Variants in KCNH4 observed in about 807,000 individuals in gnomAD.
The protein encoded by KCNH4 is voltage-gated delayed rectifier potassium channel KCNH4.
A neutral mutation model predicts 90.7 loss-of-function variants in KCNH4; 33 were observed. The observed-to-expected ratio is 0.36, with a 90% CI of 0.28 to 0.49. The LOEUF is 0.49. Among genes scored for constraint, KCNH4 ranks in the 20% least tolerant of loss-of-function variants. KCNH4 has a pLI of 0.98. For synonymous variants in KCNH4, 551 were observed against 581.7 expected (o/e 0.95, Z 0.76); for missense variants, 1,044 against 1,387.1 (o/e 0.75, Z 3.93).
rs1377867703 is a variant in KCNH4, at chr17:42,169,626, T to A, written c.1441A>T (p.Met481Leu). 2.5e-6 allele frequency: 4 copies of A among 1,613,974 alleles called. No homozygotes were observed. Among genetic ancestry groups the A allele is most frequent in the Non-Finnish European group, 1.7e-6 (2 of 1,179,978 alleles). ...FGNVTAIIQR[M>L]YSRRSLYHSR... Reference sequence around the variant, plus strand: ...TGGTAGAGCGAGCGGCGCGAGTACATGCGCTGGATGATGGCTGTCACGTTC... The same window carrying A: ...TGGTAGAGCGAGCGGCGCGAGTACAAGCGCTGGATGATGGCTGTCACGTTC... Residue 481 changes from methionine (M) to leucine (L), a missense_variant, in exon 9 of 17, where the codon ATG (methionine) becomes TTG (leucine). Around this residue, in one of 4 missense-constraint regions of KCNH4, gnomAD observed 318 missense variants for 479.6 expected, o/e 0.66. Transcript: ENST00000264661.
intron 6 of KCNH4, among the ~76,000 whole-genome samples, chr17:42,174,543 C>G (rs548550963): frequency 2.0e-5 from 3 of 152,172 alleles, no homozygotes; most frequent in African/African-American, 7.2e-5. Context: ...CACGTGTGCA[C>G]AGCCAGGAGA....
At chr17:42,175,552 C>G (rs1479243359) in intron 6 of KCNH4, 27 bp downstream of exon 6, 4 of 1,613,742 alleles carry the variant, frequency 2.5e-6, no homozygotes, top group Non-Finnish European at 3.4e-6. Context: ...GGAGGTTGGA[C>G]TGGATGGCGG....
Position 42,163,396 on chromosome 17 carries a change from ACAGAGGGGGACTGGGGGCAG to A in KCNH4, c.2478-82_2478-63del. Reference sequence around the variant, plus strand: ...GAGGGTAAGGGCCAGAGCAGAGCAGACAGAGGGGGACTGGGGGCAGCAGTGCCAGGGGGCGGAGCAAGAGC... The same window carrying A: ...GAGGGTAAGGGCCAGAGCAGAGCAGACAGTGCCAGGGGGCGGAGCAAGAGC... On this transcript the variant is annotated intron_variant, in intron 13 of 16. Transcript: ENST00000264661. The surrounding 1 kb of genome is among the most constrained non-coding windows in gnomAD (Gnocchi z 5.4). 1 of 1,223,348 alleles carries A rather than the reference ACAGAGGGGGACTGGGGGCAG, an allele frequency of 8.2e-7. No individual in the cohort carries two copies. 75.8% of individuals were successfully genotyped at this position (1,223,348 alleles called of 1,614,324 possible). A position where few individuals can be genotyped will look rare whatever the true frequency, so the allele number is the denominator to read the frequency against.
chr17:42,171,238 A>G (rs963835128), intron 7 of KCNH4, among the ~76,000 whole-genome samples: 1 of 151,986 alleles, frequency 6.6e-6, no homozygotes, highest in African/African-American at 2.4e-5. Flanking sequence ...GGTGGAGTGG[A>G]CTGGGAAGGG....
At chr17:42,164,623 C>A (rs879271336) in intron 11 of KCNH4, among the ~76,000 whole-genome samples, 6 of 141,452 alleles carry the variant, frequency 4.2e-5, no homozygotes, top group African/African-American at 1.6e-4. Flanking sequence ...GCCAACATGG[C>A]GAAACCCCAT....
Position 42,176,241 on chromosome 17 carries a change from C to A in KCNH4, c.642G>T (p.Gly214=). ...TGTAGTGGAGGAGGAGGCAGCGAGA[C>A]CCCCCCACGGAGGCCACCTTGTACT... is the stretch of plus-strand genomic sequence containing the variant. ...VPEYKVASVG[G]SRCLLLHYSV... The change falls in exon 5 of 17, where the codon GGG becomes GGT. Residue 214 remains glycine, a synonymous_variant. Coordinates refer to ENST00000264661, the MANE Select transcript of KCNH4 (RefSeq NM_012285.3). The A allele has an allele frequency of 6.2e-7, 1 of 1,613,260 alleles. No homozygotes were observed. The highest frequency in any genetic ancestry group is 8.5e-7 in the Non-Finnish European group (1 of 1,179,566).
At chr17:42,168,774 T>C (rs902957855) in intron 9 of KCNH4, among the ~76,000 whole-genome samples, 2 of 151,920 alleles carry the variant, frequency 1.3e-5, no homozygotes, top group African/African-American at 4.8e-5. Flanking sequence ...TTATTTTTAT[T>C]TTTATTTTTA....
Position 42,171,989 on chromosome 17 carries a change from G to C in KCNH4, c.994C>G (p.Leu332Val). 6.3e-7 allele frequency: 1 copy of C among 1,595,536 alleles called. No homozygotes were observed. Among genetic ancestry groups the C allele is most frequent in the Non-Finnish European group, 8.5e-7 (1 of 1,171,914 alleles). The change falls in exon 7 of 17, where the codon CTG becomes GTG. Residue 332 changes from leucine (L) to valine (V), a missense_variant. Physicochemically the swap from Leu to Val is conservative, Grantham distance 32. Transcript: ENST00000264661. Reference protein sequence around the residue: ...LYIFNITVTSLVHLLKTVRLL... With the variant: ...LYIFNITVTSVVHLLKTVRLL... The stretch of plus-strand genomic sequence containing the variant: ...CGCACTGTCTTCAGTAGGTGCACCA[G>C]CGAGGTCTGCAGGAAGGTGGCGGGG...
At chr17:42,165,196 T>TGGTCAGCAGGAGATG (rs1471850510) in intron 11 of KCNH4, among the ~76,000 whole-genome samples, 1 of 145,780 alleles carries the variant, frequency 6.9e-6, no homozygotes, top group Non-Finnish European at 1.5e-5. Context: ...GGCTGAGGGG[T>TGGTCAGCAGGAGATG]GGTCAGCAGG....
In KCNH4 at chr17:42,170,144, C is replaced by T. The variant is rs140040426; in HGVS notation, c.1353G>A (p.Ala451=). 31 of 1,612,802 alleles carry T rather than the reference C, an allele frequency of 1.9e-5. No homozygotes were observed. The highest frequency in any genetic ancestry group is 9.3e-5 in the African/African-American group (7 of 74,874). ...GFGNVCANTD[A]EKIFSICTML... ...TCGTGCAGATGGAGAAGATCTTCTC[C>T]GCGTCGGTGTTGGCACACACGTTGC... Residue 451 remains alanine (A), a synonymous_variant, in exon 8 of 17, where the codon GCG becomes GCA. Transcript: ENST00000264661.
At chr17:42,171,510 C>T (rs1809460397) in intron 7 of KCNH4, among the ~76,000 whole-genome samples, 1 of 152,092 alleles carries the variant, frequency 6.6e-6, no homozygotes, top group African/African-American at 2.4e-5. Context: ...GCCTGAAACA[C>T]ACCCCTCCAC....
Position 42,165,783 on chromosome 17 carries a change from G to C in KCNH4, c.1841-90C>G. On this transcript the variant is annotated intron_variant, in intron 10 of 16. Transcript: ENST00000264661. ...GCTCAGTGGATTTGAGGGGTGGTCA[G>C]TGTGTTTGAAGGATGGTTGAAGGTG... is the stretch of plus-strand genomic sequence containing the variant. 3 of 1,503,918 alleles carry C rather than the reference G, an allele frequency of 2.0e-6. No homozygotes were observed. The South Asian group carries it at 3.6e-5, about 18-fold the overall frequency. 93.2% of individuals were successfully genotyped at this position (1,503,918 alleles called of 1,614,324 possible). A position where few individuals can be genotyped will look rare whatever the true frequency, so the allele number is the denominator to read the frequency against.
chr17:42,178,131 C>T lies in KCNH4; in HGVS notation c.554G>A (p.Arg185His), dbSNP rs1490863311. Residue 185 changes from arginine (R) to histidine (H), a missense_variant, in exon 4 of 17, where the codon CGC becomes CAC. Arg to His is a conservative substitution (Grantham distance 29, BLOSUM62 0). This residue lies in a region of KCNH4 where 283 missense variants were observed against 378.6 expected (regional missense o/e 0.75). Transcript: ENST00000264661. ...GGCCTTCATGCCTCCCTGGCCCCGGCGGCCAAAGTGGCCGGTCAGTCGGTG... is the reference window on the plus strand; with the variant it reads ...GGCCTTCATGCCTCCCTGGCCCCGGTGGCCAAAGTGGCCGGTCAGTCGGTG... ...VLHRLTGHFG[R>H]RGQGGMKANN... 5.6e-6 allele frequency: 9 copies of T among 1,614,008 alleles called. No homozygotes were observed. The highest frequency in any genetic ancestry group is 4.5e-5 in the East Asian group (2 of 44,894).
At chr17:42,170,012 C>A in intron 8 of KCNH4, 95 bp downstream of exon 8, 3 of 1,297,724 alleles carry the variant, frequency 2.3e-6, no homozygotes, top group Non-Finnish European at 3.2e-6. Flanking sequence ...TGGGTAGACA[C>A]CTCGGGCAGA....
rs1034307637 is a variant in KCNH4 at position 42,163,448 on chromosome 17, C to A, written c.2478-114G>T. The stretch of plus-strand genomic sequence containing the variant: ...CAGGGGGCGGAGCAAGAGCAGCAGT[C>A]AAAGTGGGTTGGGGTTGCAAGCTGT... On this transcript the variant is annotated intron_variant, in intron 13 of 16. Coordinates refer to ENST00000264661, the MANE Select transcript of KCNH4 (RefSeq NM_012285.3). The surrounding 1 kb of genome is among the most constrained non-coding windows in gnomAD (Gnocchi z 5.4). 3 of 842,170 alleles carry A rather than the reference C, an allele frequency of 3.6e-6. No individual in the cohort carries two copies. In the African/African-American group the frequency reaches 5.0e-5, roughly 14 times the overall value. The allele number at this position is 842,170 out of a possible 1,614,324, so 52.2% of individuals were successfully genotyped here. A position where few individuals can be genotyped will look rare whatever the true frequency, so the allele number is the denominator to read the frequency against.
Position 42,180,583 on chromosome 17 carries a change from G to A in KCNH4, c.76+287C>T, listed in dbSNP as rs945590870. Among the ~76,000 whole-genome samples, 2 of 151,778 alleles carry A rather than the reference G, an allele frequency of 1.3e-5. No homozygotes were observed. The highest frequency in any genetic ancestry group is 2.9e-5 in the Non-Finnish European group (2 of 67,962). On this transcript the variant is annotated intron_variant, in intron 1 of 16. Coordinates refer to ENST00000264661, the MANE Select transcript of KCNH4 (RefSeq NM_012285.3). This position sits in a 1 kb window ranked among gnomAD's most constrained non-coding sequence, Gnocchi z 4.7. ...ACGCCCCCAGCACAGCTCTGCCCGA[G>A]AGTGGGCGGCTCCGAAGGACCCTCC...
In KCNH4 at chr17:42,176,509, C is replaced by CTTTTTTTTTTT. The variant is rs869250233; in HGVS notation, c.586-223_586-213dup. Among the ~76,000 whole-genome samples, 6 of 68,458 alleles carry CTTTTTTTTTTT rather than the reference C, an allele frequency of 8.8e-5. 1 individual carries two copies. The highest frequency in any genetic ancestry group is 1.0e-3 in the South Asian group (2 of 2,006). 44.9% of individuals were successfully genotyped at this position (68,458 alleles called of 152,430 possible). ...GCCAAGTATTTCCCAGGCCCTCCTCCTTTTTTTTTTTTTTTTTTTTTTTTT... is the reference window on the plus strand; with the variant it reads ...GCCAAGTATTTCCCAGGCCCTCCTCCTTTTTTTTTTTTTTTTTTTTTTTTTTTTTTTTTTTT... On this transcript the variant is annotated intron_variant, in intron 4 of 16. Transcript: ENST00000264661.
At chr17:42,158,564 G>A (rs981513802) in intron 16 of KCNH4, among the ~76,000 whole-genome samples, 13 of 138,520 alleles carry the variant, frequency 9.4e-5, no homozygotes, top group Admixed American at 3.0e-4. Context: ...GGCTGGGTGC[G>A]GTGGCTGACA....
chr17:42,163,797 C>A lies in KCNH4; in HGVS notation c.2286G>T (p.Leu762Phe), dbSNP rs1568032142. Residue 762 changes from leucine to phenylalanine, a missense_variant, in exon 13 of 17, where the codon TTG becomes TTT. This residue lies in a region of KCNH4 where 441 missense variants were observed against 512.3 expected (regional missense o/e 0.86). Transcript: ENST00000264661. This position sits in a 1 kb window ranked among gnomAD's most constrained non-coding sequence, Gnocchi z 5.4. ...CTGAGAATGGGGGCAGCTCCTCGCCCAAAAGGCTGACCAGGGAGCCCCGAG... is the reference window on the plus strand; with the variant it reads ...CTGAGAATGGGGGCAGCTCCTCGCCAAAAAGGCTGACCAGGGAGCCCCGAG... Reference protein sequence around the residue: ...ARPRGSLVSLLGEELPPFSAL... With the variant: ...ARPRGSLVSLFGEELPPFSAL... 1 of 1,540,218 alleles carries A rather than the reference C, an allele frequency of 6.5e-7. No individual in the cohort carries two copies. Among genetic ancestry groups the A allele is most frequent in the South Asian group, 1.2e-5 (1 of 81,984 alleles).
Sources: gnomAD v4.1 joint callset for allele counts (sites outside exome capture counted in the v4.1 genomes callset) on GRCh38, gnomAD v4.1.1 for gene constraint, gnomAD v4.1.1 regional missense constraint, Gnocchi (gnomAD v3.1) non-coding constraint, MANE v1.5 for transcripts, NCBI Gene and HGNC (gene_info 2026-07-23, HGNC 2026-07-21) for gene names.